ADGRL2: variants seen among roughly 807,000 people sequenced by gnomAD.
The protein encoded by ADGRL2 is adhesion G protein-coupled receptor L2, also known as calcium-independent alpha-latrotoxin receptor 2.
In ADGRL2, 44 loss-of-function variants were observed where a neutral mutation model predicts 157.4. The ratio of observed to expected loss-of-function variants is 0.28; its 90% confidence interval spans 0.22 to 0.36. The LOEUF is 0.36. Among genes scored for constraint, ADGRL2 ranks in the 10% least tolerant of loss-of-function variants. The pLI, the probability that ADGRL2 is intolerant of heterozygous loss-of-function variation, is 1.00. For synonymous variants in ADGRL2, 585 were observed against 624.7 expected, an observed-to-expected ratio of 0.94 and a Z score of 0.95; for missense variants, 1,510 against 1,768.9, an observed-to-expected ratio of 0.85 and a Z score of 2.63.
intron 3 of ADGRL2, among the ~76,000 whole-genome samples, chr1:81,685,374 A>G (rs570572545): frequency 1.4e-5 from 2 of 147,374 alleles, no homozygotes; most frequent in Non-Finnish European, 3.0e-5. Context: ...TATATTGCTA[A>G]GTATTTTTTT....
At chr1:81,598,861 C>T (rs939155189) in intron 3 of ADGRL2, among the ~76,000 whole-genome samples, 8 of 152,226 alleles carry the variant, frequency 5.3e-5, no homozygotes, top group Admixed American at 1.3e-4. Context: ...CCTGAGTTTT[C>T]AATTAATGTT....
At chr1:81,553,706 A>T (rs2080206231) in intron 2 of ADGRL2, among the ~76,000 whole-genome samples, 1 of 152,222 alleles carries the variant, frequency 6.6e-6, no homozygotes, top group Admixed American at 6.5e-5. Context: ...TGTAAGAATC[A>T]ATACTTTGGC....
At chr1:81,624,396 C>A (rs1158987773) in intron 3 of ADGRL2, among the ~76,000 whole-genome samples, 2 of 151,914 alleles carry the variant, frequency 1.3e-5, no homozygotes, top group African/African-American at 4.8e-5. Context: ...GCCTGGCCAA[C>A]AAGGTGAAAC....
At position 81,501,710 on chromosome 1, in the gene ADGRL2, C is replaced by T. The variant is rs563545494; in HGVS notation, c.-248+56621C>T. 5.6e-6 allele frequency: 9 copies of T among 1,600,032 alleles called. 1 individual carries two copies. The highest frequency in any genetic ancestry group is 3.4e-5 in the South Asian group (3 of 89,226). ...CCGCACAGGTTTAGACCCAGTGTGC[C>T]TGGTGGGCTGTGCCCAGGTTCAGAG... On this transcript the variant is annotated intron_variant, in intron 2 of 24. Coordinates refer to the ADGRL2 transcript ENST00000370721.
chr1:81,327,995 T>A (rs1661013040), intron 1 of ADGRL2, among the ~76,000 whole-genome samples: 1 of 152,100 alleles, frequency 6.6e-6, no homozygotes, highest in African/African-American at 2.4e-5. Flanking sequence ...AAATCACTTC[T>A]TTGAAACAAC....
At chr1:81,369,637 C>T (rs1191343227) in intron 1 of ADGRL2, among the ~76,000 whole-genome samples, 1 of 151,950 alleles carries the variant, frequency 6.6e-6, no homozygotes, top group Non-Finnish European at 1.5e-5. Context: ...ATTTGAAAGG[C>T]CATGTATACT....
chr1:81,704,758 A>G (rs1431294404), intron 1 of ADGRL2, among the ~76,000 whole-genome samples: 1 of 152,236 alleles, frequency 6.6e-6, no homozygotes, highest in African/African-American at 2.4e-5. Flanking sequence ...AACCAAAGAT[A>G]TCTTGAGGAG....
intron 1 of ADGRL2, among the ~76,000 whole-genome samples, chr1:81,821,724 T>C (rs1467670835): frequency 1.3e-5 from 2 of 152,138 alleles, no homozygotes; most frequent in East Asian, 3.9e-4. Flanking sequence ...ATTTGAGGAG[T>C]ATTACATGAG....
chr1:81,656,214 TC>T (rs2082530431), intron 3 of ADGRL2, among the ~76,000 whole-genome samples: 3 of 152,172 alleles, frequency 2.0e-5, no homozygotes, highest in Admixed American at 1.3e-4. Context: ...TCCAGGCAGG[TC>T]CTTGTGCTCA....
intron 3 of ADGRL2, among the ~76,000 whole-genome samples, chr1:81,678,805 C>T (rs372127026): frequency 1.2e-4 from 18 of 151,814 alleles, no homozygotes; most frequent in African/African-American, 4.1e-4. Flanking sequence ...TTTCTTTTGT[C>T]GGGAAAATAA....
chr1:81,414,704 T>A (rs1169763227), intron 1 of ADGRL2, among the ~76,000 whole-genome samples: 1 of 152,222 alleles, frequency 6.6e-6, no homozygotes, highest in Non-Finnish European at 1.5e-5. Context: ...CATCAGTGTT[T>A]CTGGCACTGT....
chr1:81,926,776 A>G (rs2095117172), intron 3 of ADGRL2, among the ~76,000 whole-genome samples: 1 of 151,996 alleles, frequency 6.6e-6, no homozygotes, highest in Non-Finnish European at 1.5e-5. Flanking sequence ...GTAAATAAAT[A>G]CTTCTTATTT....
chr1:81,632,043 C>T (rs2082020278), intron 3 of ADGRL2, among the ~76,000 whole-genome samples: 1 of 152,152 alleles, frequency 6.6e-6, no homozygotes, highest in South Asian at 2.1e-4. Context: ...TGATAGCATA[C>T]ATTTAAAAAG....
At chr1:81,408,808 G>A (rs1301807897) in intron 1 of ADGRL2, among the ~76,000 whole-genome samples, 7 of 152,178 alleles carry the variant, frequency 4.6e-5, no homozygotes, top group Non-Finnish European at 1.0e-4. Context: ...CATGGTTTGG[G>A]ATCCTAAATT....
chr1:81,416,265 C>CT (rs1471302373), intron 1 of ADGRL2, among the ~76,000 whole-genome samples: 1 of 150,276 alleles, frequency 6.7e-6, no homozygotes, highest in African/African-American at 2.4e-5. Context: ...CCCCATATTT[C>CT]TTTTTTTAAA....
chr1:81,950,227 C>G lies in ADGRL2; in HGVS notation c.1249C>G (p.Leu417Val), dbSNP rs539643450. The change falls in exon 7 of 24, where the codon CTG (leucine) becomes GTG (valine). Residue 417 changes from leucine to valine, a missense_variant. Leu to Val is a conservative substitution (Grantham distance 32, BLOSUM62 1). Coordinates refer to ENST00000686636, the MANE Select transcript of ADGRL2 (RefSeq NM_001366006.2). ...TAVTITSSAE[L>V]FKTIISTTST... ...TGTGACAATAACTTCTTCAGCTGAG[C>G]TGTTCAAAACCATAATATCAACCAC... The G allele has an allele frequency of 4.0e-5, 64 of 1,613,922 alleles. No individual in the cohort carries two copies. Among genetic ancestry groups the G allele is most frequent in the Non-Finnish European group, 5.0e-5 (59 of 1,179,940 alleles).
intron 3 of ADGRL2, among the ~76,000 whole-genome samples, chr1:81,658,976 T>C (rs1414298227): frequency 1.3e-5 from 2 of 151,836 alleles, no homozygotes; most frequent in African/African-American, 4.8e-5. Flanking sequence ...GGTCTCGAAT[T>C]CCTGACCTCA....
intron 3 of ADGRL2, among the ~76,000 whole-genome samples, chr1:81,633,216 T>C (rs2082047709): frequency 6.6e-6 from 1 of 152,124 alleles, no homozygotes; most frequent in Non-Finnish European, 1.5e-5. Flanking sequence ...ATGGATAAGG[T>C]AATCTCTCCT....
intron 10 of ADGRL2, among the ~76,000 whole-genome samples, chr1:81,955,348 T>A (rs1653155770): frequency 6.6e-6 from 1 of 151,304 alleles, no homozygotes; most frequent in South Asian, 2.1e-4. Flanking sequence ...GTTTTTTTTT[T>A]ATTTCAAATG....
Sources: gnomAD v4.1 joint callset for allele counts (sites outside exome capture counted in the v4.1 genomes callset) on GRCh38, gnomAD v4.1.1 for gene constraint, MANE v1.5 for transcripts, NCBI Gene and HGNC (gene_info 2026-07-23, HGNC 2026-07-21) for gene names.